The following ABL2 variants were observed in gnomAD, a reference collection of about 807,000 sequenced individuals.
ABL2 encodes tyrosine-protein kinase ABL2.
In ABL2, 49 loss-of-function variants were observed where a neutral mutation model predicts 107.7. The observed-to-expected ratio is 0.45, with a 90% confidence interval of 0.36 to 0.58. The LOEUF is 0.58. Among genes scored for constraint, ABL2 ranks in the 20% least tolerant of loss-of-function variants. ABL2 has a pLI of 0.00. For missense variants in ABL2, 1,245 were observed against 1,457.0 expected, an observed-to-expected ratio of 0.85 and a Z score of 2.37; for synonymous variants, 549 against 548.6, an observed-to-expected ratio of 1.00 and a Z score of -0.01.
intron 1 of ABL2, chr1:179,221,860 G>T: frequency 4.3e-6 from 1 of 232,682 alleles, no homozygotes; most frequent in South Asian, 7.8e-5. Flanking sequence ...CTACTGCAGT[G>T]GGTTGGGTTA....
chr1:179,135,677 C>T (rs1465292731), intron 1 of ABL2, among the ~76,000 whole-genome samples: 7 of 149,940 alleles, frequency 4.7e-5, no homozygotes, highest in South Asian at 4.2e-4. Context: ...CCTGGCCAGC[C>T]GCCCCATCCG....
In ABL2 at chr1:179,126,294, C is replaced by T; in HGVS notation, c.687+83G>A. 3 of 1,439,348 alleles carry T rather than the reference C, an allele frequency of 2.1e-6. No individual in the cohort carries two copies. Among genetic ancestry groups the T allele is most frequent in the Non-Finnish European group, 2.8e-6 (3 of 1,057,538 alleles). 89.2% of individuals were successfully genotyped at this position (1,439,348 alleles called of 1,614,324 possible). Reference sequence around the variant, plus strand: ...TTTTATTTCACGTCAGACATAAAATCTATTATTTCACTTCAATCACGTTGA... The same window carrying T: ...TTTTATTTCACGTCAGACATAAAATTTATTATTTCACTTCAATCACGTTGA... On this transcript the variant is annotated intron_variant, in intron 4 of 11. Transcript: ENST00000502732. The surrounding 1 kb of genome is among the most constrained non-coding windows in gnomAD (Gnocchi z 4.4).
intron 1 of ABL2, among the ~76,000 whole-genome samples, chr1:179,140,635 T>C (rs942693298): frequency 1.3e-5 from 2 of 152,228 alleles, no homozygotes; most frequent in South Asian, 2.1e-4. Context: ...GAATGAACTA[T>C]GTATACATCC....
chr1:179,195,155 G>A (rs1395509205), intron 1 of ABL2, among the ~76,000 whole-genome samples: 2 of 152,130 alleles, frequency 1.3e-5, no homozygotes, highest in African/African-American at 2.4e-5. Flanking sequence ...GGGCATGGCA[G>A]TGCATTCCTG....
chr1:179,155,662 C>T (rs1658643011), intron 1 of ABL2, among the ~76,000 whole-genome samples: 1 of 150,064 alleles, frequency 6.7e-6, no homozygotes, highest in Admixed American at 6.7e-5. Flanking sequence ...ACCTAGGTGG[C>T]AGAGGTTGCA....
At chr1:179,136,472 G>A (rs536012754) in intron 1 of ABL2, among the ~76,000 whole-genome samples, 30 of 151,956 alleles carry the variant, frequency 2.0e-4, no homozygotes, top group East Asian at 1.7e-3. Context: ...GATTAAGGGC[G>A]GTGCAAGATG....
intron 1 of ABL2, among the ~76,000 whole-genome samples, chr1:179,204,059 C>T (rs1404521723): frequency 2.0e-5 from 3 of 152,130 alleles, no homozygotes; most frequent in Non-Finnish European, 2.9e-5. Flanking sequence ...GAGTCTCTCG[C>T]TCTGTCGCCC....
At position 179,115,025 on chromosome 1, in the gene ABL2, C is replaced by A; in HGVS notation, c.1414G>T (p.Gly472Trp). The A allele has an allele frequency of 6.3e-7, 1 of 1,596,958 alleles. No individual in the cohort carries two copies. The highest frequency in any genetic ancestry group is 1.2e-5 in the South Asian group (1 of 86,674). ...GTAGCAATTTCCCACAACAATACCC[C>A]AAAAGCTGCATAAGGAATTAAAAAA... ...FSIKSDVWAFGVLLWEIATYG... is the reference protein window; with the variant it reads ...FSIKSDVWAFWVLLWEIATYG... The change falls in exon 9 of 12, where the codon GGG becomes TGG. Residue 472 changes from glycine (G) to tryptophan (W), a missense_variant. Gly to Trp is a radical substitution (Grantham distance 184). This residue lies in a region of ABL2 where 320 missense variants were observed against 547.0 expected (regional missense o/e 0.59). Transcript: ENST00000502732.
At chr1:179,112,181 T>A in intron 10 of ABL2, 128 bp downstream of exon 10, 2 of 694,428 alleles carry the variant, frequency 2.9e-6, no homozygotes, top group Non-Finnish European at 4.9e-6. Context: ...AATGTCCTTG[T>A]AGTTAAAAGT....
chr1:179,138,507 C>A (rs1211071633), intron 1 of ABL2, among the ~76,000 whole-genome samples: 1 of 152,218 alleles, frequency 6.6e-6, no homozygotes, highest in Non-Finnish European at 1.5e-5. Context: ...GATGAGAAAT[C>A]ACTAATAACA....
At chr1:179,153,115 G>C (rs776882227) in intron 1 of ABL2, among the ~76,000 whole-genome samples, 1 of 152,040 alleles carries the variant, frequency 6.6e-6, no homozygotes, top group Non-Finnish European at 1.5e-5. Context: ...GAAAAGAGTG[G>C]CAATAATTGT....
intron 1 of ABL2, among the ~76,000 whole-genome samples, chr1:179,173,941 CACCT>C (rs3046361): frequency 0.21 from 32,600 of 151,796 alleles, 4,403 homozygotes; most frequent in East Asian, 0.35. Context: ...ATTACAATGC[CACCT>C]ACCTTCTCAA....
rs551256261 is a variant in ABL2, at chr1:179,197,227, A to G, written c.157+32014T>C. ...GATAATAAGAAATCTATACCTAGTC[A>G]CTTTCCAGTGAAAATGCAAGACACT... On this transcript the variant is annotated intron_variant, in intron 1 of 11. Transcript: ENST00000502732. Among the ~76,000 whole-genome samples, 8 of 152,254 alleles carry G rather than the reference A, an allele frequency of 5.3e-5. 1 individual carries two copies. In the South Asian group the frequency reaches 1.7e-3, roughly 32 times the overall value.
intron 1 of ABL2, among the ~76,000 whole-genome samples, chr1:179,134,784 A>C (rs1307833013): frequency 6.6e-6 from 1 of 151,874 alleles, no homozygotes; most frequent in Non-Finnish European, 1.5e-5. Flanking sequence ...TGCCGAGCTG[A>C]AGCTGGACGG....
intron 1 of ABL2, among the ~76,000 whole-genome samples, chr1:179,202,652 C>T (rs1266317291): frequency 6.6e-6 from 1 of 152,210 alleles, no homozygotes; most frequent in East Asian, 1.9e-4. Context: ...GCTGAAATGT[C>T]TTCTGCCTTT....
chr1:179,155,178 G>C (rs1202764208), intron 1 of ABL2, among the ~76,000 whole-genome samples: 1 of 152,168 alleles, frequency 6.6e-6, no homozygotes, highest in East Asian at 1.9e-4. Flanking sequence ...AACTGGAAAA[G>C]TCCTTTTCTT....
intron 1 of ABL2, among the ~76,000 whole-genome samples, chr1:179,183,221 C>T (rs1660481087): frequency 6.6e-6 from 1 of 152,002 alleles, no homozygotes; most frequent in Admixed American, 6.6e-5. Context: ...ACACTGGAGA[C>T]TCAGTGGGTG....
At chr1:179,155,765 T>G (rs1658650598) in intron 1 of ABL2, among the ~76,000 whole-genome samples, 1 of 151,720 alleles carries the variant, frequency 6.6e-6, no homozygotes, top group African/African-American at 2.4e-5. Context: ...ATACAGCTCA[T>G]GCCAGAACTT....
chr1:179,225,763 C>A (rs534474041), intron 1 of ABL2, among the ~76,000 whole-genome samples: 1 of 152,112 alleles, frequency 6.6e-6, no homozygotes, highest in East Asian at 1.9e-4. Context: ...ATGACGTGGC[C>A]GGAAGCGGTG....
Sources: gnomAD v4.1 joint callset for allele counts (sites outside exome capture counted in the v4.1 genomes callset) on GRCh38, gnomAD v4.1.1 for gene constraint, gnomAD v4.1.1 regional missense constraint, Gnocchi (gnomAD v3.1) non-coding constraint, MANE v1.5 for transcripts, NCBI Gene and HGNC (gene_info 2026-07-23, HGNC 2026-07-21) for gene names.